Variants in ZNF451 observed in about 807,000 individuals in gnomAD.
The protein encoded by ZNF451 is E3 SUMO-protein ligase ZNF451.
Under a neutral mutation model 107.1 loss-of-function variants are expected in ZNF451, and 80 were observed. The observed-to-expected ratio is 0.75, with a 90% CI of 0.62 to 0.90. ZNF451 has a LOEUF of 0.90. Ranked by LOEUF, ZNF451 falls within the 40% of genes least tolerant of loss-of-function variation. The pLI is 0.00. For missense variants in ZNF451, 1,107 were observed against 1,236.2 expected (o/e 0.90, Z 1.57); for synonymous variants, 362 against 406.5 (o/e 0.89, Z 1.32).
At chr6:57,119,172 A>G (rs537575436) in intron 3 of ZNF451, among the ~76,000 whole-genome samples, 2 of 152,322 alleles carry the variant, frequency 1.3e-5, no homozygotes, top group South Asian at 4.1e-4. Flanking sequence ...TGGGTTGTAC[A>G]TATGTGACTG....
rs1345141116 is a variant in ZNF451 at position 57,095,812 on chromosome 6, T to TG, written c.106-3249_106-3248insG. The stretch of plus-strand genomic sequence containing the variant: ...CTTTAAATATTACTGCAGCTTTTTT[T>TG]TTTTGTTGTTGTTGTTGTTGTTGTT... On this transcript the variant is annotated intron_variant, in intron 2 of 14. Coordinates refer to ENST00000370706, the MANE Select transcript of ZNF451 (RefSeq NM_001031623.3). Among the ~76,000 whole-genome samples, 429 of 123,500 alleles carry TG rather than the reference T, an allele frequency of 3.5e-3. 2 individuals carry two copies. The highest frequency in any genetic ancestry group is 0.012 in the African/African-American group (377 of 31,504). 81.0% of individuals were successfully genotyped at this position (123,500 alleles called of 152,430 possible). A position where few individuals can be genotyped will look rare whatever the true frequency, so the allele number is the denominator to read the frequency against.
intron 3 of ZNF451, among the ~76,000 whole-genome samples, chr6:57,114,491 TA>T (rs1369576278): frequency 6.6e-6 from 1 of 152,200 alleles, no homozygotes; most frequent in Non-Finnish European, 1.5e-5. Flanking sequence ...CAATAGCCAT[TA>T]AGCTTGTTGA....
rs1380105752 is a variant in ZNF451 at position 57,169,953 on chromosome 6, G to C, written c.*1484G>C. 4 of 152,326 alleles carry C rather than the reference G, an allele frequency of 2.6e-5. No individual in the cohort carries two copies. The South Asian group carries it at 6.2e-4, about 24-fold the overall frequency. The allele number at this position is 152,326 out of a possible 1,614,324, so 9.4% of individuals were successfully genotyped here. ...AGAAGAGTAGTTAAGCAGATGTGGG[G>C]GCAGGGCAAGAGGAGACAGCACCTT... On this transcript the variant is annotated 3_prime_UTR_variant, in exon 15 of 15. Transcript: ENST00000370706.
rs1361809233 is a variant in ZNF451 at position 57,147,234 on chromosome 6, T to G, written c.1149T>G (p.Asn383Lys). 1 of 1,613,978 alleles carries G rather than the reference T, an allele frequency of 6.2e-7. No homozygotes were observed. Among genetic ancestry groups the G allele is most frequent in the African/African-American group, 1.3e-5 (1 of 74,926 alleles). Reference protein sequence around the residue: ...DETSTQNHKQNSGHKVRVINS... With the variant: ...DETSTQNHKQKSGHKVRVINS... ...CCAGCACCCAAAATCATAAGCAGAA[T>G]TCAGGACACAAAGTCCGAGTCATTA... The change falls in exon 10 of 15, where the codon AAT becomes AAG. Residue 383 changes from asparagine to lysine, a missense_variant. Physicochemically the swap from Asn to Lys is moderately conservative, Grantham distance 94 (BLOSUM62 0). Coordinates refer to ENST00000370706, the MANE Select transcript of ZNF451 (RefSeq NM_001031623.3).
chr6:57,117,049 C>T (rs1304693857), intron 3 of ZNF451: 2 of 152,112 alleles, frequency 1.3e-5, no homozygotes, highest in Non-Finnish European at 2.9e-5. Context: ...CTTTTCAGCC[C>T]TTCAGTGTTG....
chr6:57,164,872 C>A (rs1385551946), intron 14 of ZNF451: 1 of 152,140 alleles, frequency 6.6e-6, no homozygotes, highest in Non-Finnish European at 1.5e-5. Flanking sequence ...AATAGAAAAA[C>A]AAAGACAGAT....
intron 5 of ZNF451, 70 bp from the exon 6 acceptor site, chr6:57,132,972 A>G: frequency 6.5e-7 from 1 of 1,538,096 alleles, no homozygotes; most frequent in Non-Finnish European, 8.9e-7. Context: ...TTTTGTCCTA[A>G]TTTTGATCAC....
chr6:57,146,573 T>C (rs1832074336), intron 9 of ZNF451, among the ~76,000 whole-genome samples: 2 of 152,182 alleles, frequency 1.3e-5, no homozygotes, highest in Admixed American at 1.3e-4. Context: ...ATCAGTAGTT[T>C]GTAGGTATGT....
Position 57,168,822 on chromosome 6 carries a change from G to T in ZNF451, c.*353G>T. On this transcript the variant is annotated 3_prime_UTR_variant, in exon 15 of 15. Coordinates refer to ENST00000370706, the MANE Select transcript of ZNF451 (RefSeq NM_001031623.3). ...TAGCATTAGTTCTTTAATTTTATTT[G>T]TACTGTACAAATGATGCTAGTTTAT... is the stretch of plus-strand genomic sequence containing the variant. 5.0e-6 allele frequency: 1 copy of T among 201,278 alleles called. No individual in the cohort carries two copies. Among genetic ancestry groups the T allele is most frequent in the Non-Finnish European group, 9.9e-6 (1 of 101,092 alleles). 12.5% of individuals were successfully genotyped at this position (201,278 alleles called of 1,614,324 possible). A position where few individuals can be genotyped will look rare whatever the true frequency, so the allele number is the denominator to read the frequency against.
intron 7 of ZNF451, among the ~76,000 whole-genome samples, chr6:57,135,648 A>G (rs1469438620): frequency 6.6e-6 from 1 of 152,156 alleles, no homozygotes; most frequent in Non-Finnish European, 1.5e-5. Flanking sequence ...TATTCATCGA[A>G]TCAATGCATA....
chr6:57,092,895 A>G (rs1829115971), intron 2 of ZNF451: 1 of 152,166 alleles, frequency 6.6e-6, no homozygotes. Context: ...GGGTGCAAAA[A>G]TGGGCCCTCT....
chr6:57,154,228 A>G (rs1763289931), intron 13 of ZNF451, 181 bp downstream of exon 13: 3 of 637,522 alleles, frequency 4.7e-6, no homozygotes, highest in Non-Finnish European at 8.1e-6. Flanking sequence ...AGTGTTTTAG[A>G]AGGAGGATGA....
At chr6:57,108,014 A>G in intron 3 of ZNF451, 3 of 532,020 alleles carry the variant, frequency 5.6e-6, no homozygotes, top group Non-Finnish European at 7.2e-6. Context: ...AATTTTTTGT[A>G]TTTTTAGTAG....
chr6:57,119,472 C>T (rs1241915088), intron 3 of ZNF451, among the ~76,000 whole-genome samples: 2 of 151,776 alleles, frequency 1.3e-5, no homozygotes, highest in South Asian at 2.1e-4. Flanking sequence ...TGCAGTGAGC[C>T]GAGATCGCGC....
intron 13 of ZNF451, chr6:57,159,107 AAAT>A: frequency 1.0e-6 from 1 of 985,402 alleles, no homozygotes; most frequent in Non-Finnish European, 1.2e-6. Context: ...ACCATTATAA[AAAT>A]ATGTTGATAA....
At chr6:57,110,223 A>G (rs1019083751) in intron 3 of ZNF451, among the ~76,000 whole-genome samples, 22 of 152,292 alleles carry the variant, frequency 1.4e-4, no homozygotes, top group African/African-American at 4.8e-4. Flanking sequence ...AATTATAAGA[A>G]ATAGTCTTTA....
chr6:57,126,410 C>A (rs371585908), intron 4 of ZNF451: 12 of 151,740 alleles, frequency 7.9e-5, no homozygotes, highest in Non-Finnish European at 1.3e-4. Flanking sequence ...ACAACAACAA[C>A]AAAAAACCAC....
chr6:57,166,423 C>T (rs1763900101), intron 14 of ZNF451, among the ~76,000 whole-genome samples: 1 of 152,124 alleles, frequency 6.6e-6, no homozygotes, highest in Admixed American at 6.5e-5. Flanking sequence ...CTTTTTGTCT[C>T]TATTGTAATA....
rs778664166 is a variant in ZNF451, at chr6:57,150,826, C to T, written c.2716C>T (p.His906Tyr). The T allele has an allele frequency of 1.9e-6, 3 of 1,613,996 alleles. No homozygotes were observed. Among genetic ancestry groups the T allele is most frequent in the South Asian group, 1.1e-5 (1 of 91,074 alleles). ...AAACTTTTTTGGTCATCTACCAGGG[C>T]ATCTAAACCAAGGAACATTTATTTG... is the stretch of plus-strand genomic sequence containing the variant. ...WSNFFGHLPG[H>Y]LNQGTFIWGF... The change falls in exon 11 of 15, where the codon CAT becomes TAT. Residue 906 changes from histidine (H) to tyrosine (Y), a missense_variant. This residue lies in a region of ZNF451 where 4 missense variants were observed against 20.5 expected (regional missense o/e 0.19). Coordinates refer to ENST00000370706, the MANE Select transcript of ZNF451 (RefSeq NM_001031623.3).
Sources: allele counts gnomAD v4.1 joint callset (sites outside exome capture counted in the v4.1 genomes callset), GRCh38; gene constraint gnomAD v4.1.1; regional missense constraint gnomAD v4.1.1; transcripts MANE v1.5; gene names NCBI Gene and HGNC (gene_info 2026-07-23, HGNC 2026-07-21).